COL11A1: variants seen among roughly 807,000 people sequenced by gnomAD.
COL11A1 encodes the protein collagen alpha-1(XI) chain.
COL11A1 carries 74 observed loss-of-function variants against 265.2 expected under a neutral mutation model. That is an observed-to-expected ratio of 0.28 (90% CI 0.23 to 0.34). The LOEUF (loss-of-function observed/expected upper bound fraction) is 0.34. Ranked by LOEUF, COL11A1 falls within the 10% of genes least tolerant of loss-of-function variation. The pLI is 1.00. For missense variants in COL11A1, 2,165 were observed against 2,263.6 expected, an observed-to-expected ratio of 0.96 and a Z score of 0.88; for synonymous variants, 816 against 727.6, an observed-to-expected ratio of 1.12 and a Z score of -1.96.
In COL11A1 at chr1:102,886,933, C is replaced by G. The variant is rs776356995; in HGVS notation, c.4732G>C (p.Glu1578Gln). The change falls in exon 63 of 67, where the codon GAA (glutamate) becomes CAA (glutamine). Residue 1578 changes from glutamate (E) to glutamine (Q), a missense_variant. By Grantham distance (29) the Glu-to-Gln change is conservative. Transcript: ENST00000370096. Reference sequence around the variant, plus strand: ...AGGGAATTGAGGGAACCAAATATTTCTTCCATTCCATCCGAGTAATCAAGA... The same window carrying G: ...AGGGAATTGAGGGAACCAAATATTTGTTCCATTCCATCCGAGTAATCAAGA... ...NILDYSDGME[E>Q]IFGSLNSLKQ... 2 of 1,613,912 alleles carry G rather than the reference C, an allele frequency of 1.2e-6. No homozygotes were observed. Among genetic ancestry groups the G allele is most frequent in the East Asian group, 4.5e-5 (2 of 44,856 alleles).
At chr1:102,911,246 G>A (rs113762006) in intron 54 of COL11A1, among the ~76,000 whole-genome samples, 3 of 152,170 alleles carry the variant, frequency 2.0e-5, no homozygotes, top group African/African-American at 7.2e-5. Flanking sequence ...ATATATTTTT[G>A]GAAAGAGAAA....
intron 54 of COL11A1, among the ~76,000 whole-genome samples, chr1:102,904,823 C>G (rs1430171898): frequency 6.6e-6 from 1 of 152,004 alleles, no homozygotes; most frequent in Non-Finnish European, 1.5e-5. Context: ...GTGGCAATTC[C>G]TCAGGGATCT....
chr1:102,915,690 T>C lies in COL11A1; in HGVS notation c.3763-6A>G. On this transcript the variant is annotated splice_region_variant and splice_polypyrimidine_tract_variant and intron_variant, in intron 49 of 66. Coordinates refer to ENST00000370096, the MANE Select transcript of COL11A1 (RefSeq NM_001854.4). ...CCTGCTTCTCCAGGTTCACCCTATA[T>C]AGAGAAGATCAAATTAGTATTAGAA... 6.2e-7 allele frequency: 1 copy of C among 1,606,166 alleles called. No individual in the cohort carries two copies. Among genetic ancestry groups the C allele is most frequent in the Non-Finnish European group, 8.5e-7 (1 of 1,173,048 alleles).
At chr1:102,963,046 G>C (rs1476618956) in intron 38 of COL11A1, among the ~76,000 whole-genome samples, 7 of 152,054 alleles carry the variant, frequency 4.6e-5, no homozygotes, top group Admixed American at 3.3e-4. Flanking sequence ...GCAGAGTGTG[G>C]CCAGTCCAAG....
chr1:102,990,202 A>G (rs1663997561), intron 28 of COL11A1, among the ~76,000 whole-genome samples: 1 of 152,070 alleles, frequency 6.6e-6, no homozygotes, highest in Admixed American at 6.6e-5. Context: ...CAACAACAAG[A>G]ACAACAACAA....
chr1:103,080,105 C>A (rs995755227), intron 2 of COL11A1, among the ~76,000 whole-genome samples: 2 of 151,750 alleles, frequency 1.3e-5, no homozygotes, highest in Non-Finnish European at 3.0e-5. Flanking sequence ...GTAATAGAAT[C>A]GTATGCAGCC....
chr1:103,091,238 CT>C (rs2102368193), intron 1 of COL11A1, among the ~76,000 whole-genome samples: 1 of 152,102 alleles, frequency 6.6e-6, no homozygotes, highest in African/African-American at 2.4e-5. Context: ...TGACACTGTT[CT>C]TTCATTTATT....
chr1:103,095,239 A>AT (rs1008023781), intron 1 of COL11A1, among the ~76,000 whole-genome samples: 1 of 152,110 alleles, frequency 6.6e-6, no homozygotes, highest in African/African-American at 2.4e-5. Flanking sequence ...AGCTTAAATA[A>AT]TTTAAGGCAA....
intron 1 of COL11A1, among the ~76,000 whole-genome samples, chr1:103,103,671 G>A (rs772098469): frequency 4.6e-5 from 7 of 151,830 alleles, no homozygotes; most frequent in Admixed American, 2.0e-4. Context: ...TAAATATAGC[G>A]ATAATATATC....
intron 57 of COL11A1, among the ~76,000 whole-genome samples, chr1:102,894,832 A>T (rs533274825): frequency 6.6e-6 from 1 of 152,074 alleles, no homozygotes; most frequent in Admixed American, 6.5e-5. Context: ...CTGGAGTGCA[A>T]TGGTGTGATC....
chr1:102,953,342 G>A (rs1450087337), intron 41 of COL11A1, among the ~76,000 whole-genome samples: 1 of 151,972 alleles, frequency 6.6e-6, no homozygotes, highest in Non-Finnish European at 1.5e-5. Flanking sequence ...TTAAGTGTAT[G>A]ATCTTTCCCT....
chr1:102,920,238 TTAAAC>T, intron 49 of COL11A1, 68 bp downstream of exon 49: 2 of 1,364,236 alleles, frequency 1.5e-6, no homozygotes, highest in Non-Finnish European at 2.1e-6. Context: ...CTAGAAGCAC[TTAAAC>T]TACTACCCAA....
At chr1:102,970,702 C>T (rs1661884555) in intron 36 of COL11A1, among the ~76,000 whole-genome samples, 1 of 151,964 alleles carries the variant, frequency 6.6e-6, no homozygotes, top group African/African-American at 2.4e-5. Flanking sequence ...TAGTGGTAAT[C>T]CGAGCTTCTA....
At chr1:103,096,524 T>C (rs1673779259) in intron 1 of COL11A1, among the ~76,000 whole-genome samples, 1 of 151,936 alleles carries the variant, frequency 6.6e-6, no homozygotes, top group South Asian at 2.1e-4. Context: ...GATGACTTAA[T>C]AAATACTGTT....
intron 62 of COL11A1, 103 bp from the exon 63 acceptor site, chr1:102,887,159 T>G: frequency 1.4e-6 from 2 of 1,472,964 alleles, no homozygotes; most frequent in South Asian, 2.3e-5. Context: ...TTAGAGTTGG[T>G]TTAGCTTTTC....
chr1:102,926,120 A>T (rs1002421279), intron 46 of COL11A1, among the ~76,000 whole-genome samples: 2 of 152,146 alleles, frequency 1.3e-5, no homozygotes, highest in South Asian at 4.1e-4. Flanking sequence ...TGTATTGATT[A>T]AGACAAAAAA....
At chr1:102,902,845 CACAT>C (rs143906537) in intron 54 of COL11A1, among the ~76,000 whole-genome samples, 8,448 of 150,916 alleles carry the variant, frequency 0.056, 295 homozygotes, top group Non-Finnish European at 0.081. Flanking sequence ...TATATACACA[CACAT>C]AGTACATGCA....
At chr1:103,023,627 G>T (rs911651804) in intron 7 of COL11A1, among the ~76,000 whole-genome samples, 1 of 152,070 alleles carries the variant, frequency 6.6e-6, no homozygotes, top group African/African-American at 2.4e-5. Context: ...AAAGTGTTGG[G>T]ATTACATGTG....
intron 4 of COL11A1, among the ~76,000 whole-genome samples, chr1:103,040,303 A>C (rs1200765315): frequency 6.6e-6 from 1 of 151,164 alleles, no homozygotes; most frequent in Non-Finnish European, 1.5e-5. Context: ...GACAGAGTTC[A>C]AATATATAGT....
Sources: allele counts gnomAD v4.1 joint callset (sites outside exome capture counted in the v4.1 genomes callset), GRCh38; gene constraint gnomAD v4.1.1; transcripts MANE v1.5; gene names NCBI Gene and HGNC (gene_info 2026-07-23, HGNC 2026-07-21).